CELF2: variants seen among roughly 807,000 people sequenced by gnomAD.
The protein encoded by CELF2 is CUGBP Elav-like family member 2.
In CELF2, 8 loss-of-function variants were observed where a neutral mutation model predicts 62.6. The ratio of observed to expected loss-of-function variants is 0.13; its 90% CI spans 0.07 to 0.23. CELF2 has a LOEUF of 0.23. Ranked by LOEUF, CELF2 falls within the 10% of genes least tolerant of loss-of-function variation. The probability of loss-of-function intolerance (pLI) is 1.00; values close to 1 mark genes in which losing one functional copy is unlikely to be tolerated. For missense variants in CELF2, 333 were observed against 671.0 expected (o/e 0.50, Z 5.56); for synonymous variants, 258 against 250.0 (o/e 1.03, Z -0.30).
chr10:10,868,944 C>A (rs2060554171), intron 1 of CELF2, among the ~76,000 whole-genome samples: 1 of 152,200 alleles, frequency 6.6e-6, no homozygotes, highest in Non-Finnish European at 1.5e-5. Flanking sequence ...TAGCATGTTT[C>A]TTTCTCGACT....
In CELF2 at chr10:11,321,322, G is replaced by A. The variant is rs374713225; in HGVS notation, c.1230G>A (p.Ala410=). The A allele has an allele frequency of 3.1e-5, 50 of 1,612,480 alleles. No homozygotes were observed. The highest frequency in any genetic ancestry group is 4.0e-5 in the Non-Finnish European group (47 of 1,180,018). The change falls in exon 11 of 13, where the codon GCG becomes GCA. Residue 410 remains alanine (A), a synonymous_variant. Transcript: ENST00000633077. This position sits in a 1 kb window ranked among gnomAD's most constrained non-coding sequence, Gnocchi z 6.2. ...YSGIQQYAAA[A]LPTLYSQSLL... ...GAATTCAACAGTACGCAGCCGCCGC[G>A]CTGCCCACTCTGTACAGCCAGAGCC...
intron 1 of CELF2, among the ~76,000 whole-genome samples, chr10:11,045,197 G>A (rs1042123197): frequency 2.0e-5 from 3 of 152,144 alleles, no homozygotes; most frequent in African/African-American, 7.2e-5. Flanking sequence ...TGCCCAGGCT[G>A]GAGTGCAGTG....
chr10:10,630,847 A>T, the CELF2 span, among the ~76,000 whole-genome samples: 1 of 152,218 alleles, frequency 6.6e-6, no homozygotes, highest in Non-Finnish European at 1.5e-5. Context: ...GAAACATTAC[A>T]GCTAAGAATT....
Position 11,010,024 on chromosome 10 carries a change from G to A in CELF2, c.53+4584G>A, listed in dbSNP as rs999491128. 1.3e-5 allele frequency: 2 copies of A among 152,218 alleles called. No individual in the cohort carries two copies. The highest frequency in any genetic ancestry group is 1.3e-4 in the Admixed American group (2 of 15,252). The allele number at this position is 152,218 out of a possible 1,614,324, so 9.4% of individuals were successfully genotyped here. On this transcript the variant is annotated intron_variant, in intron 1 of 12. Coordinates refer to the CELF2 transcript ENST00000416382. This position sits in a 1 kb window ranked among gnomAD's most constrained non-coding sequence, Gnocchi z 4.1. ...GCCTTTATGCGGAAATTGATGAGTTGCTTTTCATCCTTCTTGTAAGGCTCT... is the reference window on the plus strand; with the variant it reads ...GCCTTTATGCGGAAATTGATGAGTTACTTTTCATCCTTCTTGTAAGGCTCT...
chr10:10,961,304 T>C (rs1180320875), intron 2 of CELF2, among the ~76,000 whole-genome samples: 2 of 152,220 alleles, frequency 1.3e-5, no homozygotes, highest in Admixed American at 6.5e-5. Context: ...TAGTTTGTGA[T>C]ATTGACTTCC....
the CELF2 span, among the ~76,000 whole-genome samples, chr10:10,581,207 C>T: frequency 1.2e-4 from 19 of 152,110 alleles, no homozygotes; most frequent in Non-Finnish European, 4.4e-5. Flanking sequence ...AAGATGTGGT[C>T]CTATTCATTC....
At chr10:10,785,893 A>G in the CELF2 span, among the ~76,000 whole-genome samples, 1 of 152,232 alleles carries the variant, frequency 6.6e-6, no homozygotes, top group Non-Finnish European at 1.5e-5. Flanking sequence ...TGTTCTCACC[A>G]CAAAAGAATG....
At chr10:11,083,347 G>A (rs971840634) in intron 1 of CELF2, among the ~76,000 whole-genome samples, 1 of 152,156 alleles carries the variant, frequency 6.6e-6, no homozygotes, top group African/African-American at 2.4e-5. Context: ...TCTGTGAAAG[G>A]GGCTTCTAGG....
chr10:10,929,536 A>C (rs974284633), intron 2 of CELF2: 1 of 152,218 alleles, frequency 6.6e-6, no homozygotes, highest in Admixed American at 6.5e-5. Flanking sequence ...CAGCGAAGTG[A>C]TTCAGTGCAT....
At chr10:10,485,105 C>A in the CELF2 span, among the ~76,000 whole-genome samples, 2 of 151,988 alleles carry the variant, frequency 1.3e-5, no homozygotes, top group Non-Finnish European at 2.9e-5. Context: ...AGGGGATTGG[C>A]CTTACAGAAG....
the CELF2 span, among the ~76,000 whole-genome samples, chr10:10,657,770 A>G: frequency 3.3e-5 from 5 of 152,162 alleles, no homozygotes; most frequent in African/African-American, 1.2e-4. Flanking sequence ...TATTCATGAT[A>G]TTTTGTTTCT....
intron 9 of CELF2, among the ~76,000 whole-genome samples, chr10:11,308,967 T>C (rs914595658): frequency 1.3e-5 from 2 of 152,246 alleles, no homozygotes; most frequent in Admixed American, 1.3e-4. Flanking sequence ...ATTTCCAATT[T>C]TTTCTTTTTA....
chr10:11,207,302 C>T lies in CELF2; in HGVS notation c.272-10123C>T, dbSNP rs1303791565. Among the ~76,000 whole-genome samples, 2 of 152,204 alleles carry T rather than the reference C, an allele frequency of 1.3e-5. No homozygotes were observed. Among genetic ancestry groups the T allele is most frequent in the Non-Finnish European group, 2.9e-5 (2 of 68,040 alleles). On this transcript the variant is annotated intron_variant, in intron 2 of 12. Coordinates refer to ENST00000633077, the MANE Select transcript of CELF2 (RefSeq NM_001326342.2). This position sits in a 1 kb window ranked among gnomAD's most constrained non-coding sequence, Gnocchi z 4.1. ...CGCAGAAAACAGGGAGCTTGCTAGT[C>T]TTCACGGGGTCATGGAAATAACAGA...
At chr10:10,478,354 T>C in the CELF2 span, among the ~76,000 whole-genome samples, 14 of 152,324 alleles carry the variant, frequency 9.2e-5, no homozygotes, top group African/African-American at 3.4e-4. Context: ...ATTACACATT[T>C]TGGATATTTG....
chr10:10,690,150 A>T, the CELF2 span, among the ~76,000 whole-genome samples: 2 of 152,266 alleles, frequency 1.3e-5, no homozygotes, highest in Admixed American at 1.3e-4. Context: ...ATTGGCTTCT[A>T]AGACTATATA....
chr10:10,864,920 AT>A (rs1011385303), intron 1 of CELF2, among the ~76,000 whole-genome samples: 6 of 152,178 alleles, frequency 3.9e-5, no homozygotes, highest in African/African-American at 1.4e-4. Context: ...AAAGATATAT[AT>A]TCACAATATA....
At chr10:10,642,472 A>G in the CELF2 span, among the ~76,000 whole-genome samples, 1 of 152,236 alleles carries the variant, frequency 6.6e-6, no homozygotes, top group African/African-American at 2.4e-5. Flanking sequence ...GCAAGGAGCA[A>G]GAGGAAAATT....
At chr10:11,298,638 T>C (rs2093419813) in intron 9 of CELF2, among the ~76,000 whole-genome samples, 1 of 152,104 alleles carries the variant, frequency 6.6e-6, no homozygotes, top group Non-Finnish European at 1.5e-5. Flanking sequence ...TTCTCAGTTG[T>C]GAAATAGAAT....
At chr10:11,021,722 C>T (rs920111558) in intron 1 of CELF2, among the ~76,000 whole-genome samples, 7 of 152,174 alleles carry the variant, frequency 4.6e-5, no homozygotes, top group African/African-American at 1.7e-4. Flanking sequence ...AATGGCAAAA[C>T]TGTGGTTTTC....
Sources: allele counts gnomAD v4.1 joint callset (sites outside exome capture counted in the v4.1 genomes callset), GRCh38; gene constraint gnomAD v4.1.1; non-coding constraint Gnocchi (gnomAD v3.1); transcripts MANE v1.5; gene names NCBI Gene and HGNC (gene_info 2026-07-23, HGNC 2026-07-21).